The following MUC13 variants were observed in gnomAD, a reference collection of about 807,000 sequenced individuals.
The protein encoded by MUC13 is mucin 13, cell surface associated.
MUC13 carries 32 observed loss-of-function variants against 48.3 expected under a neutral mutation model. The ratio of observed to expected loss-of-function variants is 0.66; its 90% CI spans 0.50 to 0.89. The LOEUF is 0.89. MUC13 is among the 40% of genes least tolerant of loss of function. MUC13 has a pLI of 0.00. For missense variants in MUC13, 571 were observed against 622.8 expected (o/e 0.92, Z 0.88); for synonymous variants, 199 against 224.9 (o/e 0.88, Z 1.03).
rs1020042060 is a variant in MUC13 at position 124,906,666 on chromosome 3, A to G, written c.*77T>C. On this transcript the variant is annotated 3_prime_UTR_variant, in exon 12 of 12. Transcript: ENST00000616727. ...GATCTTTACTGGTGCTCACTTCTCCATCAGTCTTTCTAAACACTCTAAATA... is the reference window on the plus strand; with the variant it reads ...GATCTTTACTGGTGCTCACTTCTCCGTCAGTCTTTCTAAACACTCTAAATA... The G allele has an allele frequency of 6.6e-6, 1 of 152,138 alleles. No individual in the cohort carries two copies. Among genetic ancestry groups the G allele is most frequent in the Non-Finnish European group, 1.5e-5 (1 of 68,028 alleles). 9.4% of individuals were successfully genotyped at this position (152,138 alleles called of 1,614,324 possible). A position where few individuals can be genotyped will look rare whatever the true frequency, so the allele number is the denominator to read the frequency against.
intron 1 of MUC13, among the ~76,000 whole-genome samples, chr3:124,932,699 T>C (rs2107675098): frequency 6.6e-6 from 1 of 152,248 alleles, no homozygotes; most frequent in South Asian, 2.1e-4. Flanking sequence ...CATTTAATCC[T>C]CTCAGTCACT....
chr3:124,928,731 C>T (rs1935738236), intron 1 of MUC13, among the ~76,000 whole-genome samples: 1 of 152,150 alleles, frequency 6.6e-6, no homozygotes, highest in Non-Finnish European at 1.5e-5. Context: ...ATTATTTATG[C>T]CTGTAGTCAC....
Position 124,922,066 on chromosome 3 carries a change from G to A in MUC13, c.744+131C>T, listed in dbSNP as rs1935605035. ...CAGCTGCTGTTTACCGACCAGTAAA[G>A]GTACATTTCACTGTTTGAACAACTG... On this transcript the variant is annotated intron_variant, in intron 4 of 11. Transcript: ENST00000616727. 4.6e-6 allele frequency: 5 copies of A among 1,077,652 alleles called. No homozygotes were observed. The South Asian group carries it at 8.7e-5, about 19-fold the overall frequency. 66.8% of individuals were successfully genotyped at this position (1,077,652 alleles called of 1,614,324 possible).
chr3:124,932,532 C>T (rs527566929), intron 1 of MUC13, among the ~76,000 whole-genome samples: 1 of 151,288 alleles, frequency 6.6e-6, no homozygotes, highest in South Asian at 2.1e-4. Context: ...TGCCATTGCA[C>T]TCCAGCCTGG....
chr3:124,925,218 CG>C (rs1935667153), intron 2 of MUC13, among the ~76,000 whole-genome samples: 1 of 152,094 alleles, frequency 6.6e-6, no homozygotes, highest in Non-Finnish European at 1.5e-5. Context: ...AAGCCAATCT[CG>C]AAAGGCTACA....
chr3:124,913,136 C>A lies in MUC13; in HGVS notation c.1189G>T (p.Glu397Ter). 1 of 1,613,998 alleles carries A rather than the reference C, an allele frequency of 6.2e-7. No individual in the cohort carries two copies. Among genetic ancestry groups the A allele is most frequent in the Non-Finnish European group, 8.5e-7 (1 of 1,179,978 alleles). ...TTTTGGCAGTTCCCATTAGCATCTT[C>A]CTGGTAGCCGGGCACGCACGCACAC... is the stretch of plus-strand genomic sequence containing the variant. ...PECACVPGYQ[E>*]DANGNCQKCA... The change falls in exon 8 of 12, where the codon GAA becomes TAA. Residue 397 changes from glutamate (E) to a stop codon, truncating the protein, a stop_gained. Transcript: ENST00000616727. LOFTEE classifies it high-confidence loss of function.
In MUC13 at chr3:124,933,793, C is replaced by A. The variant is rs530766975; in HGVS notation, c.52+868G>T. Among the ~76,000 whole-genome samples, 8 of 152,192 alleles carry A rather than the reference C, an allele frequency of 5.3e-5. No homozygotes were observed. The South Asian group carries it at 1.7e-3, about 32-fold the overall frequency. On this transcript the variant is annotated intron_variant, in intron 1 of 11. Coordinates refer to ENST00000616727, the MANE Select transcript of MUC13 (RefSeq NM_033049.4). ...TATGCCTTTTTTCCTATTAGTCCAT[C>A]TACTTCATGCCAGTGATTTTTCTGC...
chr3:124,912,140 A>G lies in MUC13; in HGVS notation c.1216T>C (p.Cys406Arg). Residue 406 changes from cysteine (C) to arginine (R), a missense_variant and splice_region_variant, in exon 9 of 12, where the codon TGT (cysteine) becomes CGT (arginine). Cys to Arg is a radical substitution (Grantham distance 180). Transcript: ENST00000616727. Reference protein sequence around the residue: ...QEDANGNCQKCAFGYSGLDCK... With the variant: ...QEDANGNCQKRAFGYSGLDCK... ...TCGAGTCCACTGTAGCCAAATGCACACCTGAAATACAGTGAGCAATAGGAA... is the reference window on the plus strand; with the variant it reads ...TCGAGTCCACTGTAGCCAAATGCACGCCTGAAATACAGTGAGCAATAGGAA... 6.2e-7 allele frequency: 1 copy of G among 1,612,914 alleles called. No homozygotes were observed. The highest frequency in any genetic ancestry group is 8.5e-7 in the Non-Finnish European group (1 of 1,179,536).
intron 2 of MUC13, among the ~76,000 whole-genome samples, chr3:124,924,747 T>C (rs1340607984): frequency 6.6e-6 from 1 of 152,178 alleles, no homozygotes; most frequent in East Asian, 1.9e-4. Flanking sequence ...ATTTATTTTT[T>C]ATTGTACATG....
chr3:124,918,616 C>T (rs1305822473), intron 5 of MUC13, among the ~76,000 whole-genome samples: 2 of 152,194 alleles, frequency 1.3e-5, no homozygotes, highest in Non-Finnish European at 2.9e-5. Context: ...CCCAATTATA[C>T]AGAGGCAGTG....
intron 1 of MUC13, among the ~76,000 whole-genome samples, chr3:124,933,906 C>A (rs1166864535): frequency 2.0e-5 from 3 of 152,198 alleles, no homozygotes; most frequent in African/African-American, 7.2e-5. Flanking sequence ...AGAACCCTTC[C>A]TAACTCAGAA....
At chr3:124,929,301 C>A (rs1188700205) in intron 1 of MUC13, among the ~76,000 whole-genome samples, 2 of 152,004 alleles carry the variant, frequency 1.3e-5, no homozygotes, top group Admixed American at 6.6e-5. Context: ...CTTGGCCGCC[C>A]AAGTGTTAGG....
intron 11 of MUC13, 141 bp downstream of exon 11, chr3:124,908,002 ATCTC>A (rs143529974): frequency 3.0e-4 from 216 of 727,392 alleles, no homozygotes; most frequent in Non-Finnish European, 3.5e-4. Flanking sequence ...TTCCTTTTTG[ATCTC>A]TCTCTCTCTC....
intron 1 of MUC13, among the ~76,000 whole-genome samples, chr3:124,933,373 C>G (rs997854330): frequency 3.9e-5 from 6 of 152,252 alleles, no homozygotes; most frequent in African/African-American, 1.4e-4. Flanking sequence ...TCTTAGAGGT[C>G]AACAAGCGCT....
chr3:124,911,836 C>T (rs540076864), intron 9 of MUC13, among the ~76,000 whole-genome samples: 65 of 152,248 alleles, frequency 4.3e-4, no homozygotes, highest in Non-Finnish European at 6.8e-4. Flanking sequence ...TGCTAAGATG[C>T]CCTTCTCTGG....
intron 11 of MUC13, 48 bp downstream of exon 11, chr3:124,908,099 C>G (rs1354753188): frequency 6.3e-7 from 1 of 1,593,348 alleles, no homozygotes; most frequent in South Asian, 1.1e-5. Context: ...TCTGCTCTGC[C>G]CTGGTGCATT....
At chr3:124,921,916 C>T (rs894791487) in intron 4 of MUC13, among the ~76,000 whole-genome samples, 14 of 152,242 alleles carry the variant, frequency 9.2e-5, no homozygotes, top group African/African-American at 3.4e-4. Flanking sequence ...CCAGCTTCTG[C>T]AGGCCCTCTG....
chr3:124,926,285 A>G (rs1200118826), intron 2 of MUC13, among the ~76,000 whole-genome samples: 1 of 152,180 alleles, frequency 6.6e-6, no homozygotes, highest in Non-Finnish European at 1.5e-5. Flanking sequence ...GCAGATCACT[A>G]AGTTGAAGCC....
chr3:124,907,272 GC>G (rs1445796135), intron 11 of MUC13, among the ~76,000 whole-genome samples: 6 of 152,162 alleles, frequency 3.9e-5, no homozygotes, highest in Non-Finnish European at 5.9e-5. Context: ...CTCCCAAAGT[GC>G]TAGGAGTATG....
Sources: allele counts gnomAD v4.1 joint callset (sites outside exome capture counted in the v4.1 genomes callset), GRCh38; gene constraint gnomAD v4.1.1; transcripts MANE v1.5; gene names NCBI Gene and HGNC (gene_info 2026-07-23, HGNC 2026-07-21).